Variants in NRP2 observed in about 807,000 individuals in gnomAD.
NRP2 encodes neuropilin 2.
A neutral mutation model predicts 110.4 loss-of-function variants in NRP2; 52 were observed. That is an observed-to-expected ratio of 0.47 (90% confidence interval 0.38 to 0.59). The LOEUF (loss-of-function observed/expected upper bound fraction) is 0.59. Among genes scored for constraint, NRP2 ranks in the 20% least tolerant of loss-of-function variants. The probability of loss-of-function intolerance (pLI) is 0.00; values close to 1 mark genes in which losing one functional copy is unlikely to be tolerated. For missense variants in NRP2, 1,049 were observed against 1,203.0 expected (o/e 0.87, Z 1.89); for synonymous variants, 508 against 468.9 (o/e 1.08, Z -1.08).
intron 12 of NRP2, among the ~76,000 whole-genome samples, chr2:205,753,744 C>T (rs957408484): frequency 9.9e-5 from 15 of 152,254 alleles, no homozygotes; most frequent in Admixed American, 5.2e-4. Context: ...TGCTTTTTAA[C>T]GTTTGTCACT....
chr2:205,787,617 A>G (rs2058248963), intron 15 of NRP2, among the ~76,000 whole-genome samples: 1 of 152,184 alleles, frequency 6.6e-6, no homozygotes. Flanking sequence ...TTCTGTAAGA[A>G]ACTGCAGAAA....
Position 205,683,378 on chromosome 2 carries a change from G to A in NRP2, c.73+15G>A, listed in dbSNP as rs753459909. Reference sequence around the variant, plus strand: ...AGGCCAACCAGGTAAGCCACTGAAAGTTTTTCTATTTATTGCAACATGGTT... The same window carrying A: ...AGGCCAACCAGGTAAGCCACTGAAAATTTTTCTATTTATTGCAACATGGTT... On this transcript the variant is annotated intron_variant, in intron 1 of 16. Transcript: ENST00000357785. 2.5e-6 allele frequency: 4 copies of A among 1,600,280 alleles called. No homozygotes were observed. In the Admixed American group the frequency reaches 6.7e-5, roughly 27 times the overall value.
intron 2 of NRP2, among the ~76,000 whole-genome samples, chr2:205,708,793 G>A (rs1056259171): frequency 6.6e-6 from 1 of 152,226 alleles, no homozygotes; most frequent in Non-Finnish European, 1.5e-5. Context: ...CCCTGGTTGT[G>A]AGGGGATTGT....
chr2:205,684,374 A>C (rs969296190), intron 1 of NRP2, among the ~76,000 whole-genome samples: 1 of 152,156 alleles, frequency 6.6e-6, no homozygotes, highest in African/African-American at 2.4e-5. Flanking sequence ...GGAGATGGAG[A>C]AACCATCTAT....
chr2:205,784,704 T>C (rs922701906), intron 15 of NRP2, among the ~76,000 whole-genome samples: 2 of 152,222 alleles, frequency 1.3e-5, no homozygotes, highest in African/African-American at 4.8e-5. Context: ...TCTGCCTTTG[T>C]GCCAGGTGCA....
At chr2:205,717,206 T>TG (rs11385457) in intron 3 of NRP2, among the ~76,000 whole-genome samples, 83,749 of 151,832 alleles carry the variant, frequency 0.55, 23,812 homozygotes, top group East Asian at 0.81. Context: ...AAGGGAAGCA[T>TG]GTCCTCCAGT....
intron 3 of NRP2, among the ~76,000 whole-genome samples, chr2:205,717,192 G>C (rs1420965525): frequency 9.0e-6 from 1 of 111,718 alleles, no homozygotes; most frequent in Non-Finnish European, 2.0e-5. Flanking sequence ...GTTATCTCGA[G>C]GCTAAGGGAA....
chr2:205,738,585 T>C (rs849579), intron 7 of NRP2, among the ~76,000 whole-genome samples: 27,318 of 152,116 alleles, frequency 0.18, 3,150 homozygotes, highest in East Asian at 0.4. Flanking sequence ...GGCCCTAACC[T>C]TCTTTCCTTC....
intron 1 of NRP2, among the ~76,000 whole-genome samples, chr2:205,691,057 CT>C (rs2056306015): frequency 6.6e-6 from 1 of 152,130 alleles, no homozygotes; most frequent in African/African-American, 2.4e-5. Flanking sequence ...CTAGTGATAC[CT>C]TTGATGTTCC....
At chr2:205,771,571 T>TG (rs1032768528) in intron 15 of NRP2, among the ~76,000 whole-genome samples, 2 of 152,156 alleles carry the variant, frequency 1.3e-5, no homozygotes, top group African/African-American at 4.8e-5. Context: ...GAAACCTGGG[T>TG]GACTCCCCCA....
intron 15 of NRP2, among the ~76,000 whole-genome samples, chr2:205,787,544 G>T (rs2058248189): frequency 6.6e-6 from 1 of 152,202 alleles, no homozygotes; most frequent in Admixed American, 6.5e-5. Flanking sequence ...GAAGTAAACA[G>T]TGTCGAGGCC....
chr2:205,768,263 G>A (rs1323204268), intron 15 of NRP2: 4 of 152,174 alleles, frequency 2.6e-5, no homozygotes, highest in Non-Finnish European at 5.9e-5. Context: ...CCAAAGTATT[G>A]GAGGAAAGCT....
At chr2:205,745,448 T>A (rs1478038606) in intron 9 of NRP2, among the ~76,000 whole-genome samples, 1 of 152,130 alleles carries the variant, frequency 6.6e-6, no homozygotes, top group Non-Finnish European at 1.5e-5. Context: ...GGAGCCAAAT[T>A]CTTCCCCAGA....
At chr2:205,734,650 C>G (rs1406919513) in intron 7 of NRP2, among the ~76,000 whole-genome samples, 2 of 152,164 alleles carry the variant, frequency 1.3e-5, no homozygotes, top group East Asian at 1.9e-4. Flanking sequence ...CTGGCTTCCC[C>G]CAGCCTCTGT....
intron 1 of NRP2, among the ~76,000 whole-genome samples, chr2:205,690,299 A>G (rs1226870592): frequency 1.3e-5 from 2 of 152,186 alleles, no homozygotes; most frequent in East Asian, 1.9e-4. Flanking sequence ...AGAAAATCCA[A>G]TACCAACAAA....
chr2:205,717,397 G>C (rs772088227), intron 3 of NRP2, among the ~76,000 whole-genome samples: 1 of 152,154 alleles, frequency 6.6e-6, no homozygotes, highest in Non-Finnish European at 1.5e-5. Context: ...CAGTGTGAGG[G>C]GAACTATTCA....
intron 7 of NRP2, chr2:205,739,934 C>T (rs2057411124): frequency 5.1e-6 from 1 of 197,256 alleles, no homozygotes; most frequent in Non-Finnish European, 1.0e-5. Context: ...AACCCTGACC[C>T]TGCCACAAAG....
intron 15 of NRP2, chr2:205,777,260 C>T (rs2041808): frequency 0.36 from 176,967 of 496,304 alleles, 32,823 homozygotes; most frequent in Non-Finnish European, 0.37. Flanking sequence ...TATCCCCAAC[C>T]CACCTGACCC....
At chr2:205,700,838 GC>G (rs1401839749) in intron 2 of NRP2, 1 of 482,032 alleles carries the variant, frequency 2.1e-6, no homozygotes, top group East Asian at 5.8e-5. Context: ...CAAATCCTGG[GC>G]ACCCACAGGC....
Sources: allele counts gnomAD v4.1 joint callset (sites outside exome capture counted in the v4.1 genomes callset), GRCh38; gene constraint gnomAD v4.1.1; transcripts MANE v1.5; gene names NCBI Gene and HGNC (gene_info 2026-07-23, HGNC 2026-07-21).